KIF26B: variants seen among roughly 807,000 people sequenced by gnomAD.
KIF26B encodes kinesin-like protein KIF26B.
A neutral mutation model predicts 151.2 loss-of-function variants in KIF26B; 63 were observed. The observed-to-expected ratio is 0.42, with a 90% CI of 0.34 to 0.51. The LOEUF (loss-of-function observed/expected upper bound fraction) is 0.51. Among genes scored for constraint, KIF26B ranks in the 20% least tolerant of loss-of-function variants. The pLI is 0.07. For missense variants in KIF26B, 2,813 were observed against 2,913.6 expected, an observed-to-expected ratio of 0.97 and a Z score of 0.79; for synonymous variants, 1,357 against 1,262.1, an observed-to-expected ratio of 1.08 and a Z score of -1.59.
intron 10 of KIF26B, among the ~76,000 whole-genome samples, chr1:245,662,620 AC>A: frequency 1.1e-5 from 1 of 92,762 alleles, no homozygotes; most frequent in African/African-American, 4.4e-5. Flanking sequence ...CAATATATAT[AC>A]ACACCCAGTG....
chr1:245,670,452 C>T (rs2044272948), intron 10 of KIF26B, among the ~76,000 whole-genome samples: 1 of 150,710 alleles, frequency 6.6e-6, no homozygotes, highest in African/African-American at 2.4e-5. Flanking sequence ...AAATTATTAA[C>T]ACAAGTTAGG....
chr1:245,178,842 A>T (rs6699608), intron 2 of KIF26B, among the ~76,000 whole-genome samples: 31,431 of 152,006 alleles, frequency 0.21, 4,371 homozygotes, highest in East Asian at 0.4. Context: ...GTGGAGGGCA[A>T]GTGGGGCCGG....
chr1:245,361,755 T>C (rs1474112677), intron 2 of KIF26B, among the ~76,000 whole-genome samples: 2 of 152,234 alleles, frequency 1.3e-5, no homozygotes, highest in African/African-American at 4.8e-5. Flanking sequence ...CAAACCCTAA[T>C]TCTAACACAC....
At chr1:245,530,576 G>A (rs997018094) in intron 4 of KIF26B, among the ~76,000 whole-genome samples, 1 of 152,196 alleles carries the variant, frequency 6.6e-6, no homozygotes, top group Non-Finnish European at 1.5e-5. Context: ...TGAAATTAGC[G>A]AGGCCCAGAA....
chr1:245,612,948 A>C (rs966768131), intron 9 of KIF26B, among the ~76,000 whole-genome samples: 1 of 151,902 alleles, frequency 6.6e-6, no homozygotes, highest in African/African-American at 2.4e-5. Flanking sequence ...AGTAGTGTTT[A>C]CTCTATGCCC....
intron 2 of KIF26B, among the ~76,000 whole-genome samples, chr1:245,309,648 TA>T (rs1191334195): frequency 6.7e-6 from 1 of 148,216 alleles, no homozygotes; most frequent in Non-Finnish European, 1.5e-5. Context: ...ATTATATATA[TA>T]ATATATAATA....
chr1:245,673,025 C>CCCA (rs1558262832), intron 10 of KIF26B, among the ~76,000 whole-genome samples: 1 of 151,940 alleles, frequency 6.6e-6, no homozygotes, highest in Non-Finnish European at 1.5e-5. Context: ...GTCCCCACGG[C>CCCA]GCGCTGCCAT....
At chr1:245,527,784 C>G (rs1414789213) in intron 4 of KIF26B, among the ~76,000 whole-genome samples, 1 of 151,762 alleles carries the variant, frequency 6.6e-6, no homozygotes. Flanking sequence ...CCACCTGCCT[C>G]GGCCTCCGAA....
intron 4 of KIF26B, among the ~76,000 whole-genome samples, chr1:245,528,445 G>A (rs113844338): frequency 0.012 from 1,827 of 152,254 alleles, 36 homozygotes; most frequent in African/African-American, 0.041. Flanking sequence ...ATTGTCCAAC[G>A]TACTTCTGCT....
intron 4 of KIF26B, among the ~76,000 whole-genome samples, chr1:245,432,823 A>G (rs1178064269): frequency 6.6e-6 from 1 of 152,192 alleles, no homozygotes; most frequent in Admixed American, 6.5e-5. Flanking sequence ...TTGAGGGTAC[A>G]AGAAGGAGGA....
chr1:245,415,357 G>A (rs1069216), intron 3 of KIF26B, among the ~76,000 whole-genome samples: 71,085 of 151,760 alleles, frequency 0.47, 16,828 homozygotes, highest in South Asian at 0.56. Context: ...AGGACAATTC[G>A]GTTACAACCG....
intron 3 of KIF26B, among the ~76,000 whole-genome samples, chr1:245,396,116 C>A (rs1057497436): frequency 1.3e-5 from 2 of 152,136 alleles, no homozygotes; most frequent in African/African-American, 2.4e-5. Flanking sequence ...ATTTTTATAA[C>A]AGAATACTGA....
intron 5 of KIF26B, among the ~76,000 whole-genome samples, chr1:245,546,544 G>A (rs1661746245): frequency 6.6e-6 from 1 of 152,152 alleles, no homozygotes; most frequent in South Asian, 2.1e-4. Context: ...CCTGAAGCAT[G>A]ACCAAAGAGA....
At chr1:245,522,096 C>T (rs955800363) in intron 4 of KIF26B, among the ~76,000 whole-genome samples, 3 of 152,260 alleles carry the variant, frequency 2.0e-5, no homozygotes, top group Admixed American at 6.5e-5. Flanking sequence ...GTCTCGATCT[C>T]CTGACCTCAT....
intron 6 of KIF26B, among the ~76,000 whole-genome samples, chr1:245,605,858 C>T (rs533545844): frequency 3.4e-4 from 52 of 152,170 alleles, no homozygotes; most frequent in African/African-American, 5.3e-4. Flanking sequence ...CTCTCGCCCC[C>T]GGCCTCTGCA....
intron 2 of KIF26B, among the ~76,000 whole-genome samples, chr1:245,336,081 G>A (rs569062345): frequency 7.7e-6 from 1 of 130,046 alleles, no homozygotes; most frequent in African/African-American, 3.6e-5. Flanking sequence ...GCAGGGAAAG[G>A]AGGGTCCCAC....
chr1:245,587,754 C>T (rs972288342), intron 5 of KIF26B, among the ~76,000 whole-genome samples: 6 of 152,252 alleles, frequency 3.9e-5, no homozygotes, highest in Admixed American at 3.9e-4. Flanking sequence ...AGTCTCAGTG[C>T]CTGGTAGTGG....
At chr1:245,213,962 A>G (rs528639826) in intron 2 of KIF26B, among the ~76,000 whole-genome samples, 2 of 152,318 alleles carry the variant, frequency 1.3e-5, no homozygotes, top group South Asian at 4.1e-4. Flanking sequence ...TGTTTCTTCA[A>G]AAGGGACCAG....
chr1:245,396,377 A>G (rs1673842167), intron 3 of KIF26B, among the ~76,000 whole-genome samples: 1 of 152,212 alleles, frequency 6.6e-6, no homozygotes, highest in African/African-American at 2.4e-5. Flanking sequence ...TTGGGACAAC[A>G]TCAACATAAT....
Sources: gnomAD v4.1 joint callset for allele counts (sites outside exome capture counted in the v4.1 genomes callset) on GRCh38, gnomAD v4.1.1 for gene constraint, MANE v1.5 for transcripts, NCBI Gene and HGNC (gene_info 2026-07-23, HGNC 2026-07-21) for gene names.